The following FBXL4 variants were observed in gnomAD, a reference collection of about 807,000 sequenced individuals.
FBXL4 encodes the protein F-box and leucine rich repeat protein 4, also known as F-box/LRR-repeat protein 4.
FBXL4 carries 40 observed loss-of-function variants against 58.9 expected under a neutral mutation model. The ratio of observed to expected loss-of-function variants is 0.68; its 90% CI spans 0.53 to 0.88. The LOEUF (loss-of-function observed/expected upper bound fraction) is 0.88. FBXL4 is among the 40% of genes least tolerant of loss of function. The pLI, the probability that FBXL4 is intolerant of heterozygous loss-of-function variation, is 0.00. For synonymous variants in FBXL4, 263 were observed against 265.5 expected, an observed-to-expected ratio of 0.99 and a Z score of 0.09; for missense variants, 676 against 734.4, an observed-to-expected ratio of 0.92 and a Z score of 0.92.
intron 2 of FBXL4, among the ~76,000 whole-genome samples, chr6:98,933,109 A>G (rs1000048906): frequency 1.3e-5 from 2 of 152,190 alleles, no homozygotes; most frequent in African/African-American, 4.8e-5. Context: ...AAACAGGGGA[A>G]TGAAAGAAAG....
intron 7 of FBXL4, chr6:98,897,503 G>T (rs1232083828): frequency 7.2e-6 from 2 of 277,090 alleles, no homozygotes; most frequent in South Asian, 1.4e-4. Flanking sequence ...CACCCTGCCA[G>T]GTCACCTGTT....
At chr6:98,941,227 G>GA (rs55967712) in intron 1 of FBXL4, among the ~76,000 whole-genome samples, 13,832 of 143,620 alleles carry the variant, frequency 0.096, 1,114 homozygotes, top group East Asian at 0.45. Flanking sequence ...TACTACTCAG[G>GA]AAAAAAAAAA....
chr6:98,923,611 T>C (rs1772666751), intron 4 of FBXL4, among the ~76,000 whole-genome samples: 1 of 152,196 alleles, frequency 6.6e-6, no homozygotes, highest in Non-Finnish European at 1.5e-5. Flanking sequence ...AAGCCTTCTC[T>C]GAGCCCACAG....
intron 8 of FBXL4, among the ~76,000 whole-genome samples, chr6:98,877,484 C>T (rs912444786): frequency 6.6e-6 from 1 of 152,136 alleles, no homozygotes; most frequent in Non-Finnish European, 1.5e-5. Context: ...TATCACAGCA[C>T]TACTCATGCC....
rs1393878124 is a variant in FBXL4 at position 98,874,173 on chromosome 6, T to C, written c.*105A>G. ...CATATTTTTCTTTAAAATCTACAAA[T>C]GTCTTAATTCTTACCATTAAAACAA... On this transcript the variant is annotated 3_prime_UTR_variant, in exon 10 of 10. Transcript: ENST00000369244. 1 of 788,866 alleles carries C rather than the reference T, an allele frequency of 1.3e-6. No individual in the cohort carries two copies. The highest frequency in any genetic ancestry group is 1.9e-6 in the Non-Finnish European group (1 of 533,390). 48.9% of individuals were successfully genotyped at this position (788,866 alleles called of 1,614,324 possible).
At chr6:98,917,826 C>G in intron 4 of FBXL4, 107 bp from the exon 5 acceptor site, 1 of 739,736 alleles carries the variant, frequency 1.4e-6, no homozygotes, top group South Asian at 2.9e-5. Context: ...ACAAAGTCAT[C>G]AAAATAAATA....
At chr6:98,918,536 A>T (rs1190439307) in intron 4 of FBXL4, among the ~76,000 whole-genome samples, 3 of 152,188 alleles carry the variant, frequency 2.0e-5, no homozygotes, top group Non-Finnish European at 4.4e-5. Context: ...CTTCTTATAA[A>T]ACTATTTTCC....
intron 1 of FBXL4, among the ~76,000 whole-genome samples, chr6:98,945,805 G>C (rs908169708): frequency 6.6e-6 from 1 of 152,066 alleles, no homozygotes; most frequent in African/African-American, 2.4e-5. Context: ...ACTATGACAC[G>C]GTGCAAAGTC....
intron 2 of FBXL4, among the ~76,000 whole-genome samples, chr6:98,929,895 A>G (rs568640639): frequency 1.0e-3 from 155 of 152,256 alleles, no homozygotes; most frequent in Non-Finnish European, 2.1e-3. Context: ...GGAAATCAGA[A>G]CCATATGAGG....
chr6:98,891,475 A>C (rs1771223307), intron 7 of FBXL4, among the ~76,000 whole-genome samples: 1 of 152,156 alleles, frequency 6.6e-6, no homozygotes. Flanking sequence ...TTTGAAGCCT[A>C]TTTTTATCAC....
In FBXL4 at chr6:98,917,534, A is replaced by G; in HGVS notation, c.698T>C (p.Val233Ala). 6.2e-7 allele frequency: 1 copy of G among 1,614,068 alleles called. No individual in the cohort carries two copies. Among genetic ancestry groups the G allele is most frequent in the Non-Finnish European group, 8.5e-7 (1 of 1,179,924 alleles). ...VVLHGVKDKPVLSLKTSLIDM... is the reference protein window; with the variant it reads ...VVLHGVKDKPALSLKTSLIDM... ...AATAAGTGAAGTCTTGAGAGAAAGC[A>G]CTGGCTTGTCCTTCACACCATGTAG... Residue 233 changes from valine (V) to alanine (A), a missense_variant, in exon 5 of 10, where the codon GTG (valine) becomes GCG (alanine). Physicochemically the swap from Val to Ala is moderately conservative, Grantham distance 64 (BLOSUM62 0). Transcript: ENST00000369244.
At chr6:98,874,641 A>C (rs918953205) in intron 9 of FBXL4, among the ~76,000 whole-genome samples, 200 bp from the exon 10 acceptor site, 3 of 152,178 alleles carry the variant, frequency 2.0e-5, no homozygotes, top group African/African-American at 7.2e-5. Context: ...TTTTCCAGCC[A>C]ATTTAGCATC....
chr6:98,941,521 C>T (rs923970385), intron 1 of FBXL4, among the ~76,000 whole-genome samples: 21 of 152,048 alleles, frequency 1.4e-4, no homozygotes, highest in African/African-American at 4.4e-4. Flanking sequence ...GCTGTAAATC[C>T]GATACTCTAG....
intron 5 of FBXL4, among the ~76,000 whole-genome samples, chr6:98,916,794 T>C (rs2128400463): frequency 6.7e-6 from 1 of 148,618 alleles, no homozygotes; most frequent in South Asian, 2.1e-4. Flanking sequence ...ATTGTGCACA[T>C]GTACCCTAAA....
intron 1 of FBXL4, among the ~76,000 whole-genome samples, chr6:98,937,003 C>T (rs1773245365): frequency 6.6e-6 from 1 of 151,792 alleles, no homozygotes; most frequent in South Asian, 2.1e-4. Flanking sequence ...CACTGACCCC[C>T]TATGCAGTAA....
intron 6 of FBXL4, among the ~76,000 whole-genome samples, chr6:98,901,648 T>C (rs1407388502): frequency 6.6e-6 from 1 of 152,152 alleles, no homozygotes; most frequent in East Asian, 1.9e-4. Flanking sequence ...TTATCTCTAC[T>C]TAAATTTTCA....
chr6:98,868,555 T>A lies in FBXL4; in HGVS notation c.*5723A>T, dbSNP rs1393642038. ...TGAACTAATGAGATACTCAAACTTA[T>A]TTTATTACTCTAAAGTACAGAATAC... On this transcript the variant is annotated 3_prime_UTR_variant, in exon 10 of 10. Coordinates refer to ENST00000369244, the MANE Select transcript of FBXL4 (RefSeq NM_001278716.2). The A allele has an allele frequency of 1.3e-5, 2 of 152,104 alleles. No homozygotes were observed. Among genetic ancestry groups the A allele is most frequent in the Non-Finnish European group, 2.9e-5 (2 of 68,018 alleles). The allele number at this position is 152,104 out of a possible 1,614,324, so 9.4% of individuals were successfully genotyped here. A position where few individuals can be genotyped will look rare whatever the true frequency, so the allele number is the denominator to read the frequency against.
chr6:98,932,612 C>T (rs372093066), intron 2 of FBXL4, among the ~76,000 whole-genome samples: 2 of 151,908 alleles, frequency 1.3e-5, no homozygotes, highest in African/African-American at 4.8e-5. Context: ...GCCGAGAAGT[C>T]GGCTTGTACT....
At chr6:98,886,279 A>T (rs953473694) in intron 7 of FBXL4, among the ~76,000 whole-genome samples, 1 of 152,136 alleles carries the variant, frequency 6.6e-6, no homozygotes, top group African/African-American at 2.4e-5. Flanking sequence ...TTGCCTTAGG[A>T]GTAAATGAGA....
Sources: gnomAD v4.1 joint callset for allele counts (sites outside exome capture counted in the v4.1 genomes callset) on GRCh38, gnomAD v4.1.1 for gene constraint, MANE v1.5 for transcripts, NCBI Gene and HGNC (gene_info 2026-07-23, HGNC 2026-07-21) for gene names.